FGF12: variants seen among roughly 807,000 people sequenced by gnomAD.
FGF12 encodes fibroblast growth factor 12.
A neutral mutation model predicts 23.6 loss-of-function variants in FGF12; 14 were observed. The observed-to-expected ratio is 0.59, with a 90% CI of 0.39 to 0.93. The LOEUF (loss-of-function observed/expected upper bound fraction) is 0.93. Among genes scored for constraint, FGF12 ranks in the 40% least tolerant of loss-of-function variants. The probability of loss-of-function intolerance (pLI) is 0.00; values close to 1 mark genes in which losing one functional copy is unlikely to be tolerated. For missense variants in FGF12, 175 were observed against 217.8 expected, an observed-to-expected ratio of 0.80 and a Z score of 1.24; for synonymous variants, 62 against 77.3, an observed-to-expected ratio of 0.80 and a Z score of 1.04.
chr3:192,373,880 C>T (rs764562795), intron 2 of FGF12, among the ~76,000 whole-genome samples: 2 of 152,122 alleles, frequency 1.3e-5, no homozygotes, highest in Non-Finnish European at 2.9e-5. Flanking sequence ...CTCTCATGGC[C>T]GACTCCAAGA....
chr3:192,641,394 C>A (rs184405116), intron 2 of FGF12, among the ~76,000 whole-genome samples: 1 of 85,210 alleles, frequency 1.2e-5, no homozygotes, highest in Non-Finnish European at 2.5e-5. Flanking sequence ...CGTGAGCCAC[C>A]GCGCCCGGCC....
intron 4 of FGF12, among the ~76,000 whole-genome samples, chr3:192,217,708 A>G: frequency 6.6e-6 from 1 of 152,234 alleles, no homozygotes; most frequent in East Asian, 1.9e-4. Flanking sequence ...TAGTTTTGTA[A>G]CGGTACACAT....
At chr3:192,418,820 C>T (rs1721434153) in intron 2 of FGF12, among the ~76,000 whole-genome samples, 1 of 152,190 alleles carries the variant, frequency 6.6e-6, no homozygotes, top group Admixed American at 6.5e-5. Flanking sequence ...CCAAGCTACG[C>T]TTCCTGTACA....
At chr3:192,382,965 C>T (rs548850493) in intron 2 of FGF12, among the ~76,000 whole-genome samples, 47 of 152,268 alleles carry the variant, frequency 3.1e-4, no homozygotes, top group African/African-American at 1.0e-3. Context: ...AGTAACAACA[C>T]GGCCAGTCAA....
chr3:192,445,351 C>T (rs764824466), intron 2 of FGF12, among the ~76,000 whole-genome samples: 9 of 152,178 alleles, frequency 5.9e-5, no homozygotes, highest in Non-Finnish European at 1.2e-4. Flanking sequence ...ACTGTGCGCT[C>T]CAGTTAGAGA....
At position 192,235,660 on chromosome 3, in the gene FGF12, A is replaced by G. The variant is rs368673570; in HGVS notation, c.229-65004T>C. Among the ~76,000 whole-genome samples, 3 of 152,244 alleles carry G rather than the reference A, an allele frequency of 2.0e-5. No individual in the cohort carries two copies. The South Asian group carries it at 6.2e-4, about 32-fold the overall frequency. On this transcript the variant is annotated intron_variant, in intron 4 of 5. Coordinates refer to ENST00000445105, the MANE Select transcript of FGF12 (RefSeq NM_004113.6). ...TTAGTTGGTGTGCAGAGAGGTGTTC[A>G]TAATAGTCTCCGGGGAATTTTTGTA...
At chr3:192,698,212 G>A (rs562004542) in intron 2 of FGF12, among the ~76,000 whole-genome samples, 7 of 152,272 alleles carry the variant, frequency 4.6e-5, no homozygotes, top group African/African-American at 1.7e-4. Context: ...CAATTAATAA[G>A]AGGGTTATTA....
At chr3:192,314,817 T>G (rs1221973730) in intron 4 of FGF12, among the ~76,000 whole-genome samples, 1 of 152,202 alleles carries the variant, frequency 6.6e-6, no homozygotes, top group East Asian at 1.9e-4. Flanking sequence ...TATTGACACC[T>G]CAAATTACCC....
chr3:192,262,248 G>A (rs1399176534), intron 4 of FGF12, among the ~76,000 whole-genome samples: 2 of 152,138 alleles, frequency 1.3e-5, no homozygotes, highest in Non-Finnish European at 2.9e-5. Flanking sequence ...CCGTGGGGAG[G>A]CATAAACTTT....
chr3:192,253,902 C>T (rs942194382), intron 4 of FGF12, among the ~76,000 whole-genome samples: 1 of 151,964 alleles, frequency 6.6e-6, no homozygotes. Context: ...AATTAATTAA[C>T]TTTAACTTGA....
chr3:192,268,747 A>T lies in FGF12; in HGVS notation c.228+66614T>A, dbSNP rs571727016. The T allele has an allele frequency of 6.3e-4, 276 of 437,372 alleles. 2 individuals carry two copies. The highest frequency in any genetic ancestry group is 8.9e-4 in the Non-Finnish European group (194 of 217,460). The allele number at this position is 437,372 out of a possible 1,614,324, so 27.1% of individuals were successfully genotyped here. A position where few individuals can be genotyped will look rare whatever the true frequency, so the allele number is the denominator to read the frequency against. On this transcript the variant is annotated intron_variant, in intron 4 of 5. Coordinates refer to ENST00000445105, the MANE Select transcript of FGF12 (RefSeq NM_004113.6). Reference sequence around the variant, plus strand: ...CCATGCTTCCTGTAAAACCTGCAGAACTGTGAGCCGATCAAAACTATTGTC... The same window carrying T: ...CCATGCTTCCTGTAAAACCTGCAGATCTGTGAGCCGATCAAAACTATTGTC...
At chr3:192,529,853 A>G (rs1725043845) in intron 2 of FGF12, among the ~76,000 whole-genome samples, 1 of 152,156 alleles carries the variant, frequency 6.6e-6, no homozygotes, top group Admixed American at 6.5e-5. Flanking sequence ...ACTACTTCCC[A>G]TGGGGTCCCT....
intron 4 of FGF12, among the ~76,000 whole-genome samples, chr3:192,313,474 T>C (rs1431354796): frequency 6.6e-6 from 1 of 152,204 alleles, no homozygotes; most frequent in East Asian, 1.9e-4. Context: ...AGAATAAAGG[T>C]TGAAGTAGTA....
At chr3:192,386,995 C>T (rs1720072405) in intron 2 of FGF12, among the ~76,000 whole-genome samples, 1 of 152,178 alleles carries the variant, frequency 6.6e-6, no homozygotes, top group Non-Finnish European at 1.5e-5. Flanking sequence ...ATATGAATAT[C>T]TCTATACATT....
chr3:192,526,457 T>C (rs1724947998), intron 2 of FGF12, among the ~76,000 whole-genome samples: 1 of 152,184 alleles, frequency 6.6e-6, no homozygotes, highest in Non-Finnish European at 1.5e-5. Context: ...AATCAGGAAA[T>C]GCTGAGGCAC....
intron 2 of FGF12, among the ~76,000 whole-genome samples, chr3:192,527,331 A>T (rs948031847): frequency 1.3e-5 from 2 of 152,258 alleles, no homozygotes; most frequent in African/African-American, 2.4e-5. Flanking sequence ...AAAATAAACT[A>T]AGATGATGAC....
At chr3:192,711,781 T>C (rs1718691274) in intron 2 of FGF12, among the ~76,000 whole-genome samples, 1 of 151,970 alleles carries the variant, frequency 6.6e-6, no homozygotes, top group South Asian at 2.1e-4. Context: ...CACTCCCTAA[T>C]CTCAAGTACC....
At chr3:192,525,861 G>A (rs548642292) in intron 2 of FGF12, among the ~76,000 whole-genome samples, 39 of 152,224 alleles carry the variant, frequency 2.6e-4, no homozygotes, top group Non-Finnish European at 4.0e-4. Flanking sequence ...TGCAACCTCC[G>A]CCTTCCAGGT....
chr3:192,512,837 T>TAAATAAATAAATAAATAA (rs1553823899), intron 2 of FGF12, among the ~76,000 whole-genome samples: 1 of 76,062 alleles, frequency 1.3e-5, no homozygotes, highest in African/African-American at 5.1e-5. Context: ...CTCAAATAAA[T>TAAATAAATAAATAAATAA]ATATATATAT....
Sources: allele counts gnomAD v4.1 joint callset (sites outside exome capture counted in the v4.1 genomes callset), GRCh38; gene constraint gnomAD v4.1.1; transcripts MANE v1.5; gene names NCBI Gene and HGNC (gene_info 2026-07-23, HGNC 2026-07-21).